LPIN1: variants seen among roughly 807,000 people sequenced by gnomAD.
The protein encoded by LPIN1 is lipin 1.
Under a neutral mutation model 107.5 loss-of-function variants are expected in LPIN1, and 71 were observed. That is an observed-to-expected ratio of 0.66 (90% confidence interval 0.55 to 0.80). The LOEUF is 0.80. Among genes scored for constraint, LPIN1 ranks in the 30% least tolerant of loss-of-function variants. The probability of loss-of-function intolerance (pLI) is 0.00; values close to 1 mark genes in which losing one functional copy is unlikely to be tolerated. For synonymous variants in LPIN1, 445 were observed against 452.6 expected (o/e 0.98, Z 0.21); for missense variants, 1,043 against 1,160.6 (o/e 0.90, Z 1.47).
Position 11,771,695 on chromosome 2 carries a change from G to C in LPIN1, c.596+16G>C. The C allele has an allele frequency of 6.3e-7, 1 of 1,576,006 alleles. No homozygotes were observed. The highest frequency in any genetic ancestry group is 8.6e-7 in the Non-Finnish European group (1 of 1,160,578). ...AGAGCAGCAGGTAATAACTGTCCAGGGTGGAGGGGCTGTGCCAGAATCAGA... is the reference window on the plus strand; with the variant it reads ...AGAGCAGCAGGTAATAACTGTCCAGCGTGGAGGGGCTGTGCCAGAATCAGA... On this transcript the variant is annotated intron_variant, in intron 4 of 20. Transcript: ENST00000674199. The surrounding 1 kb of genome is among the most constrained non-coding windows in gnomAD (Gnocchi z 4.8).
intron 20 of LPIN1, among the ~76,000 whole-genome samples, chr2:11,824,134 C>T (rs550494134): frequency 3.3e-5 from 5 of 152,120 alleles, no homozygotes; most frequent in East Asian, 1.9e-4. Context: ...AGAGAGGTTA[C>T]GCCATTTGCC....
At chr2:11,732,923 G>A (rs1299671454) in intron 1 of LPIN1, among the ~76,000 whole-genome samples, 2 of 151,552 alleles carry the variant, frequency 1.3e-5, no homozygotes, top group Admixed American at 6.6e-5. Flanking sequence ...GTGTGTGTGT[G>A]TGTGTGTGTG....
rs1478085800 is a variant in LPIN1, at chr2:11,697,156, C to T, written c.82-16600C>T. On this transcript the variant is annotated intron_variant, in intron 1 of 21. Coordinates refer to the LPIN1 transcript ENST00000449576. The surrounding 1 kb of genome is among the most constrained non-coding windows in gnomAD (Gnocchi z 4.6). ...AGGGCAGTGCCCTTTTCTGTGGGGC[C>T]CTGGGCTTGTTCTGCATTGTTTCTA... Among the ~76,000 whole-genome samples the T allele has an allele frequency of 1.3e-5, 2 of 152,194 alleles. No homozygotes were observed. The highest frequency in any genetic ancestry group is 6.5e-5 in the Admixed American group (1 of 15,278).
At chr2:11,729,635 G>C (rs1381901156) in intron 1 of LPIN1, among the ~76,000 whole-genome samples, 6 of 152,182 alleles carry the variant, frequency 3.9e-5, no homozygotes, top group Non-Finnish European at 4.4e-5. Context: ...GAGTAGAGTA[G>C]GTGCAACAGA....
chr2:11,767,967 T>A, intron 3 of LPIN1, 109 bp downstream of exon 3: 1 of 772,698 alleles, frequency 1.3e-6, no homozygotes, highest in South Asian at 1.4e-5. Context: ...CGTGGCTGTG[T>A]GGACGATGGG....
upstream of LPIN1, among the ~76,000 whole-genome samples, chr2:11,722,981 C>T (rs140902965): frequency 8.5e-5 from 13 of 152,314 alleles, no homozygotes; most frequent in African/African-American, 2.6e-4. Context: ...GAACCTACTA[C>T]CCTGCCTTTG....
intron 12 of LPIN1, among the ~76,000 whole-genome samples, chr2:11,790,425 C>G (rs1675517388): frequency 6.6e-6 from 1 of 152,210 alleles, no homozygotes; most frequent in Non-Finnish European, 1.5e-5. Flanking sequence ...AGGGGCAGCT[C>G]TCTCATAGTT....
intron 1 of LPIN1, among the ~76,000 whole-genome samples, chr2:11,711,948 A>G (rs943793595): frequency 6.6e-6 from 1 of 152,010 alleles, no homozygotes; most frequent in African/African-American, 2.4e-5. Flanking sequence ...CCCCTTCCCC[A>G]TTTGACCATA....
In LPIN1 at chr2:11,824,816, G is replaced by C; in HGVS notation, c.*25G>C. On this transcript the variant is annotated 3_prime_UTR_variant, in exon 21 of 21. Coordinates refer to ENST00000674199, the MANE Select transcript of LPIN1 (RefSeq NM_001349206.2). ...AAATGTCCCAAGCAGCCTCTTGCCA[G>C]CAGTGCAGAGCCTGGTTGTCACCCA... is the stretch of plus-strand genomic sequence containing the variant. The C allele has an allele frequency of 1.2e-6, 2 of 1,613,900 alleles. No homozygotes were observed. The highest frequency in any genetic ancestry group is 2.2e-5 in the South Asian group (2 of 91,080).
At chr2:11,740,187 A>ATTTGCCT (rs1161431040) in intron 1 of LPIN1, among the ~76,000 whole-genome samples, 1 of 152,094 alleles carries the variant, frequency 6.6e-6, no homozygotes, top group Non-Finnish European at 1.5e-5. Flanking sequence ...AAGGGAGTGA[A>ATTTGCCT]TTTGCCTTTC....
chr2:11,756,766 TAA>T (rs748490805), intron 1 of LPIN1, among the ~76,000 whole-genome samples: 6 of 152,360 alleles, frequency 3.9e-5, no homozygotes, highest in Non-Finnish European at 7.3e-5. Flanking sequence ...GGTAGAATTC[TAA>T]GTGGAATACG....
At position 11,810,506 on chromosome 2, in the gene LPIN1, C is replaced by T. The variant is rs530325526; in HGVS notation, c.2250-4582C>T. Among the ~76,000 whole-genome samples, 19 of 152,256 alleles carry T rather than the reference C, an allele frequency of 1.2e-4. No homozygotes were observed. In the East Asian group the frequency reaches 2.5e-3, roughly 20 times the overall value. On this transcript the variant is annotated intron_variant, in intron 17 of 20. Transcript: ENST00000674199. ...AGTAGGCAGGAGCCAGGTTGCAGAG[C>T]GCCTGGGAGGCAACTCACCAAGCCT... is the stretch of plus-strand genomic sequence containing the variant.
chr2:11,784,377 T>C (rs965962184), intron 9 of LPIN1: 5 of 1,121,314 alleles, frequency 4.5e-6, no homozygotes, highest in Non-Finnish European at 5.5e-6. Flanking sequence ...ATGCGCCTGC[T>C]CTATGGACAT....
chr2:11,766,924 T>G (rs978221103), intron 2 of LPIN1, among the ~76,000 whole-genome samples: 1 of 152,190 alleles, frequency 6.6e-6, no homozygotes, highest in Non-Finnish European at 1.5e-5. Flanking sequence ...GCCTGTCCTA[T>G]CTCCCATTCC....
rs577889034 is a variant in LPIN1, at chr2:11,699,683, C to T, written c.82-14073C>T. Among the ~76,000 whole-genome samples the T allele has an allele frequency of 1.6e-4, 24 of 152,148 alleles. No homozygotes were observed. The South Asian group carries it at 4.6e-3, about 29-fold the overall frequency. ...GTTTCCTTAGACATTCACCATCGGA[C>T]GAAGGGTCACTGAGTGACCACCGTG... On this transcript the variant is annotated intron_variant, in intron 1 of 21. Transcript: ENST00000449576.
At chr2:11,784,778 G>C in intron 9 of LPIN1, 108 bp from the exon 10 acceptor site, 2 of 977,366 alleles carry the variant, frequency 2.0e-6, no homozygotes, top group Non-Finnish European at 1.7e-6. Context: ...AGATGCAGCC[G>C]TCTGCGGCTC....
intron 17 of LPIN1, among the ~76,000 whole-genome samples, chr2:11,814,372 A>G (rs56658728): frequency 0.21 from 32,641 of 152,060 alleles, 5,472 homozygotes; most frequent in African/African-American, 0.46. Flanking sequence ...AGAGTCTGCT[A>G]GGAGTGTGAG....
In LPIN1 at chr2:11,787,615, G is replaced by A. The variant is rs80080984; in HGVS notation, c.1643+448G>A. 5.1e-3 allele frequency among the ~76,000 whole-genome samples: 779 copies of A among 152,088 alleles called. 5 individuals are homozygous for A. Among genetic ancestry groups the A allele is most frequent in the African/African-American group, 0.017 (724 of 41,496 alleles). On this transcript the variant is annotated intron_variant, in intron 11 of 20. Coordinates refer to ENST00000674199, the MANE Select transcript of LPIN1 (RefSeq NM_001349206.2). ...GTCACACTCTGCAGTACATGGGTATGTCAGAGTAGCCTACATCTCTACCCT... is the reference window on the plus strand; with the variant it reads ...GTCACACTCTGCAGTACATGGGTATATCAGAGTAGCCTACATCTCTACCCT...
At chr2:11,776,432 A>G (rs1034588693) in intron 6 of LPIN1, among the ~76,000 whole-genome samples, 2 of 144,232 alleles carry the variant, frequency 1.4e-5, no homozygotes, top group African/African-American at 5.1e-5. Flanking sequence ...AGATGATCAG[A>G]TTTTTTTTTT....
Sources: gnomAD v4.1 joint callset for allele counts (sites outside exome capture counted in the v4.1 genomes callset) on GRCh38, gnomAD v4.1.1 for gene constraint, Gnocchi (gnomAD v3.1) non-coding constraint, MANE v1.5 for transcripts, NCBI Gene and HGNC (gene_info 2026-07-23, HGNC 2026-07-21) for gene names.